Variants in CEP15 observed in about 807,000 individuals in gnomAD.
CEP15 encodes centrosomal protein 15 kDa.
chr3:62,324,106 C>T, the CEP15 span: 10 of 151,996 alleles, frequency 6.6e-5, no homozygotes, highest in African/African-American at 9.7e-5. Context: ...GAGACTTAGC[C>T]GGGCACAGTG....
chr3:62,324,720 A>G, the CEP15 span, among the ~76,000 whole-genome samples: 3 of 152,166 alleles, frequency 2.0e-5, no homozygotes, highest in Non-Finnish European at 4.4e-5. Context: ...AGTTACATCT[A>G]GGACAGGTAC....
chr3:62,321,758 T>C, the CEP15 span, among the ~76,000 whole-genome samples: 1 of 152,194 alleles, frequency 6.6e-6, no homozygotes, highest in Non-Finnish European at 1.5e-5. The surrounding 1 kb of genome is among the most constrained non-coding windows in gnomAD (Gnocchi z 4.1). Flanking sequence ...TTAAGACTTA[T>C]TGAACTACCT....
At chr3:62,334,673 G>A in the CEP15 span, 1 of 152,024 alleles carries the variant, frequency 6.6e-6, no homozygotes, top group Non-Finnish European at 1.5e-5. This position sits in a 1 kb window ranked among gnomAD's most constrained non-coding sequence, Gnocchi z 4.9. Flanking sequence ...AAAAGTATCA[G>A]CTTAAAAGCT....
chr3:62,324,703 C>T, the CEP15 span, among the ~76,000 whole-genome samples: 1 of 152,082 alleles, frequency 6.6e-6, no homozygotes, highest in Non-Finnish European at 1.5e-5. Flanking sequence ...TTGTTCAGGA[C>T]AAGTTAAGTT....
chr3:62,332,227 C>A, the CEP15 span, among the ~76,000 whole-genome samples: 1 of 152,156 alleles, frequency 6.6e-6, no homozygotes, highest in Non-Finnish European at 1.5e-5. Context: ...GTCAGGGAAA[C>A]TCCCAACCAC....
chr3:62,321,989 C>A, the CEP15 span: 1 of 1,609,570 alleles, frequency 6.2e-7, no homozygotes, highest in Non-Finnish European at 8.5e-7. The surrounding 1 kb of genome is among the most constrained non-coding windows in gnomAD (Gnocchi z 4.1). Context: ...GATCAACACA[C>A]AGAAAAGGCA....
the CEP15 span, among the ~76,000 whole-genome samples, chr3:62,328,081 G>T: frequency 2.0e-5 from 3 of 152,234 alleles, no homozygotes; most frequent in South Asian, 6.2e-4. Flanking sequence ...AGAAGCCCTG[G>T]TTCCTTTTGG....
chr3:62,324,385 G>T, the CEP15 span, among the ~76,000 whole-genome samples: 1 of 152,134 alleles, frequency 6.6e-6, no homozygotes, highest in Non-Finnish European at 1.5e-5. Flanking sequence ...CTGAGTGACA[G>T]AGTGAGACTC....
At chr3:62,332,238 G>A in the CEP15 span, among the ~76,000 whole-genome samples, 46 of 152,084 alleles carry the variant, frequency 3.0e-4, no homozygotes, top group Non-Finnish European at 5.1e-4. Flanking sequence ...TCCCAACCAC[G>A]GGCCTCAGAT....
the CEP15 span, among the ~76,000 whole-genome samples, chr3:62,328,368 C>T: frequency 6.6e-6 from 1 of 152,098 alleles, no homozygotes; most frequent in African/African-American, 2.4e-5. Context: ...ATAATTTTTA[C>T]AATTTCTTTT....
chr3:62,324,649 A>C, the CEP15 span, among the ~76,000 whole-genome samples: 1 of 152,130 alleles, frequency 6.6e-6, no homozygotes, highest in Non-Finnish European at 1.5e-5. Context: ...CTAATTCCTT[A>C]ATTTAAAGAT....
the CEP15 span, chr3:62,320,647 G>A: frequency 1.5e-6 from 1 of 660,258 alleles, no homozygotes; most frequent in Non-Finnish European, 2.6e-6. Flanking sequence ...TGACACTTAA[G>A]AGGTTTTAGT....
chr3:62,333,320 A>G, the CEP15 span: 3 of 1,611,926 alleles, frequency 1.9e-6, no homozygotes, highest in Admixed American at 1.7e-5. The surrounding 1 kb of genome is among the most constrained non-coding windows in gnomAD (Gnocchi z 4.0). Flanking sequence ...TAGGAAGAGC[A>G]CCATATCCTT....
At chr3:62,321,915 TCG>T in the CEP15 span, 1 of 1,561,398 alleles carries the variant, frequency 6.4e-7, no homozygotes, top group Non-Finnish European at 8.7e-7. The surrounding 1 kb of genome is among the most constrained non-coding windows in gnomAD (Gnocchi z 4.1). Flanking sequence ...TATATAATCT[TCG>T]TTTTTTTTCT....
the CEP15 span, among the ~76,000 whole-genome samples, chr3:62,330,673 G>C: frequency 6.6e-6 from 1 of 152,078 alleles, no homozygotes; most frequent in Non-Finnish European, 1.5e-5. Context: ...TGACATACTA[G>C]CTAGCAATAA....
the CEP15 span, among the ~76,000 whole-genome samples, chr3:62,323,325 C>A: frequency 5.4e-3 from 818 of 152,132 alleles, 8 homozygotes; most frequent in African/African-American, 0.019. Context: ...TAGAATATTC[C>A]AAAAGGTCTC....
chr3:62,324,021 T>C, the CEP15 span: 1 of 152,182 alleles, frequency 6.6e-6, no homozygotes, highest in East Asian at 1.9e-4. Flanking sequence ...AATCCTACTT[T>C]CCTCGTATGT....
chr3:62,331,500 T>G, the CEP15 span: 1 of 1,022,252 alleles, frequency 9.8e-7, no homozygotes, highest in Non-Finnish European at 1.5e-6. Flanking sequence ...CCAGATATAT[T>G]TATTCAGTAA....
the CEP15 span, among the ~76,000 whole-genome samples, chr3:62,332,528 T>C: frequency 6.6e-6 from 1 of 152,180 alleles, no homozygotes. Flanking sequence ...TTGACCTCCC[T>C]AGGGCAGTCA....
Sources: allele counts gnomAD v4.1 joint callset (sites outside exome capture counted in the v4.1 genomes callset), GRCh38; gene constraint gnomAD v4.1.1; non-coding constraint Gnocchi (gnomAD v3.1); transcripts MANE v1.5; gene names NCBI Gene and HGNC (gene_info 2026-07-23, HGNC 2026-07-21).